ATOSA: variants seen among roughly 807,000 people sequenced by gnomAD.
ATOSA encodes atos homolog protein A.
the ATOSA span, chr15:52,593,504 T>C: frequency 7.4e-7 from 1 of 1,351,006 alleles, no homozygotes; most frequent in Admixed American, 2.6e-5. Flanking sequence ...TTTCAAGTAC[T>C]GCATCAAAGC....
chr15:52,605,987 C>T, the ATOSA span, among the ~76,000 whole-genome samples: 1 of 151,666 alleles, frequency 6.6e-6, no homozygotes, highest in African/African-American at 2.4e-5. Flanking sequence ...AATAATATGC[C>T]ATAATAAAAG....
At chr15:52,651,235 A>T in the ATOSA span, among the ~76,000 whole-genome samples, 1 of 152,210 alleles carries the variant, frequency 6.6e-6, no homozygotes, top group African/African-American at 2.4e-5. Context: ...GATGTTTAAT[A>T]GAACACTACA....
chr15:52,699,096 A>G, the ATOSA span, among the ~76,000 whole-genome samples: 1 of 152,234 alleles, frequency 6.6e-6, no homozygotes. Flanking sequence ...GCACAGTACT[A>G]GCATCAGCTT....
the ATOSA span, among the ~76,000 whole-genome samples, chr15:52,659,024 T>C: frequency 9.2e-5 from 14 of 151,912 alleles, no homozygotes; most frequent in Admixed American, 6.6e-4. Flanking sequence ...GTGTACAATT[T>C]CTGTAAGTTT....
At chr15:52,680,481 G>A in the ATOSA span, among the ~76,000 whole-genome samples, 2 of 152,020 alleles carry the variant, frequency 1.3e-5, no homozygotes, top group Admixed American at 6.6e-5. Context: ...TTTTTACAAT[G>A]AGTCTATTAT....
chr15:52,667,957 T>A, the ATOSA span, among the ~76,000 whole-genome samples: 1 of 152,198 alleles, frequency 6.6e-6, no homozygotes, highest in Non-Finnish European at 1.5e-5. Flanking sequence ...TTACACATGG[T>A]TGAGACTGTA....
the ATOSA span, among the ~76,000 whole-genome samples, chr15:52,641,208 T>C: frequency 1.3e-5 from 2 of 152,378 alleles, no homozygotes; most frequent in South Asian, 2.1e-4. Flanking sequence ...TCAAAATGTA[T>C]GTTTAATAAA....
At chr15:52,615,338 T>C in the ATOSA span, among the ~76,000 whole-genome samples, 1 of 152,360 alleles carries the variant, frequency 6.6e-6, no homozygotes, top group South Asian at 2.1e-4. Context: ...TGAACATTCA[T>C]ACACAAAAGT....
the ATOSA span, among the ~76,000 whole-genome samples, chr15:52,646,924 TTC>T: frequency 0.55 from 83,738 of 151,870 alleles, 27,062 homozygotes; most frequent in Non-Finnish European, 0.72. Flanking sequence ...ACAGCAATCA[TTC>T]TGTTTCTACA....
the ATOSA span, chr15:52,678,409 A>T: frequency 4.0e-6 from 1 of 247,954 alleles, no homozygotes; most frequent in Non-Finnish European, 7.8e-6. Flanking sequence ...GAAGAAAAAG[A>T]TTTGAGCAAC....
the ATOSA span, among the ~76,000 whole-genome samples, chr15:52,602,117 C>T: frequency 6.6e-6 from 1 of 152,130 alleles, no homozygotes; most frequent in Non-Finnish European, 1.5e-5. Flanking sequence ...TATTTCTCTT[C>T]CCTTTTGTGC....
At chr15:52,703,363 T>C in the ATOSA span, among the ~76,000 whole-genome samples, 1 of 152,100 alleles carries the variant, frequency 6.6e-6, no homozygotes, top group Non-Finnish European at 1.5e-5. Flanking sequence ...TCAATAAAGC[T>C]CACAAAAATG....
the ATOSA span, among the ~76,000 whole-genome samples, chr15:52,590,108 T>C: frequency 6.6e-6 from 1 of 152,048 alleles, no homozygotes; most frequent in Non-Finnish European, 1.5e-5. Flanking sequence ...GATTTTAAAA[T>C]GGAATAGTAG....
chr15:52,603,017 G>A, the ATOSA span, among the ~76,000 whole-genome samples: 2 of 152,148 alleles, frequency 1.3e-5, no homozygotes, highest in Non-Finnish European at 2.9e-5. Context: ...ATGTCTTCCT[G>A]TATTGACTTA....
the ATOSA span, among the ~76,000 whole-genome samples, chr15:52,697,140 A>T: frequency 6.6e-6 from 1 of 151,986 alleles, no homozygotes; most frequent in Non-Finnish European, 1.5e-5. Flanking sequence ...CTCCTATCCT[A>T]TGTTCTGACC....
chr15:52,601,131 T>C, the ATOSA span: 2 of 1,545,162 alleles, frequency 1.3e-6, no homozygotes, highest in Non-Finnish European at 1.7e-6. Flanking sequence ...AGAATCCAGA[T>C]CAAAGCAACC....
chr15:52,669,951 C>A, the ATOSA span, among the ~76,000 whole-genome samples: 1 of 152,282 alleles, frequency 6.6e-6, no homozygotes, highest in East Asian at 1.9e-4. Flanking sequence ...ACTCTATTTT[C>A]CATCAGCCTC....
At chr15:52,613,574 A>G in the ATOSA span, 1 of 1,303,462 alleles carries the variant, frequency 7.7e-7, no homozygotes, top group Non-Finnish European at 1.0e-6. Context: ...TCAATTTTAC[A>G]TTGAAATATG....
At chr15:52,599,083 A>G in the ATOSA span, among the ~76,000 whole-genome samples, 1 of 152,190 alleles carries the variant, frequency 6.6e-6, no homozygotes, top group South Asian at 2.1e-4. Context: ...TCTTTTCTTT[A>G]TAAATTATCC....
Sources: allele counts gnomAD v4.1 joint callset (sites outside exome capture counted in the v4.1 genomes callset), GRCh38; gene constraint gnomAD v4.1.1; transcripts MANE v1.5; gene names NCBI Gene and HGNC (gene_info 2026-07-23, HGNC 2026-07-21).